MED16: variants seen among roughly 807,000 people sequenced by gnomAD.
MED16 encodes mediator of RNA polymerase II transcription subunit 16.
MED16 carries 81 observed loss-of-function variants against 84.4 expected under a neutral mutation model. That is an observed-to-expected ratio of 0.96 (90% confidence interval 0.80 to 1.15). MED16 has a LOEUF of 1.15. Ranked by LOEUF, MED16 falls within the 50% of genes most tolerant of loss-of-function variation. The pLI, the probability that MED16 is intolerant of heterozygous loss-of-function variation, is 0.00. For missense variants in MED16, 1,585 were observed against 1,245.9 expected (o/e 1.27, Z -4.10); for synonymous variants, 897 against 552.2 (o/e 1.62, Z -8.76).
Position 885,970 on chromosome 19 carries a change from C to T in MED16, c.679G>A (p.Val227Met). 1.2e-6 allele frequency: 2 copies of T among 1,611,730 alleles called. No homozygotes were observed. The highest frequency in any genetic ancestry group is 1.7e-6 in the Non-Finnish European group (2 of 1,179,488). ...DIAFTGGGNI[V>M]VATADGSSAS... Reference sequence around the variant, plus strand: ...CTGCTGCCGTCCGCCGTGGCCACCACGATGTTGCCGCCGCCGGTGAAGGCG... The same window carrying T: ...CTGCTGCCGTCCGCCGTGGCCACCATGATGTTGCCGCCGCCGGTGAAGGCG... The change falls in exon 5 of 16, where the codon GTG (valine) becomes ATG (methionine). Residue 227 changes from valine (V) to methionine (M), a missense_variant. Coordinates refer to ENST00000325464, the MANE Select transcript of MED16 (RefSeq NM_005481.3).
intron 4 of MED16, among the ~76,000 whole-genome samples, chr19:888,662 A>G (rs1169045538): frequency 1.3e-5 from 2 of 152,088 alleles, no homozygotes; most frequent in African/African-American, 4.8e-5. Flanking sequence ...TGTGAACTCC[A>G]TCCCGACAAA....
In MED16 at chr19:868,973, G is replaced by A; in HGVS notation, c.2316-27C>T. ...TGGCGGGAGAGGGGAGAACGTGAGGGAGGCCTGGGCACCACGAGGCCAGGT... is the reference window on the plus strand; with the variant it reads ...TGGCGGGAGAGGGGAGAACGTGAGGAAGGCCTGGGCACCACGAGGCCAGGT... On this transcript the variant is annotated intron_variant, in intron 13 of 15. Coordinates refer to ENST00000325464, the MANE Select transcript of MED16 (RefSeq NM_005481.3). 2.0e-6 allele frequency: 3 copies of A among 1,523,266 alleles called. No individual in the cohort carries two copies. The South Asian group carries it at 3.6e-5, about 18-fold the overall frequency. The allele number at this position is 1,523,266 out of a possible 1,614,324, so 94.4% of individuals were successfully genotyped here. A position where few individuals can be genotyped will look rare whatever the true frequency, so the allele number is the denominator to read the frequency against.
intron 8 of MED16, among the ~76,000 whole-genome samples, chr19:877,972 AGCCCCACG>A (rs1374512467): frequency 8.2e-5 from 2 of 24,274 alleles, no homozygotes; most frequent in Admixed American, 5.8e-4. Flanking sequence ...CCCCAGCCCC[AGCCCCACG>A]TGCCCCAGCA....
At chr19:880,973 C>G (rs1383890820) in intron 7 of MED16, among the ~76,000 whole-genome samples, 1 of 151,638 alleles carries the variant, frequency 6.6e-6, no homozygotes, top group African/African-American at 2.4e-5. Context: ...GGAGCATAAA[C>G]CAAGGGTTTT....
Position 869,734 on chromosome 19 carries a change from T to C in MED16, c.2316-788A>G, listed in dbSNP as rs543978340. Among the ~76,000 whole-genome samples, 486 of 152,306 alleles carry C rather than the reference T, an allele frequency of 3.2e-3. 2 individuals carry two copies. Among genetic ancestry groups the C allele is most frequent in the African/African-American group, 0.011 (476 of 41,554 alleles). ...CGGAGCAGGGCTGCTGGAGGTTCAC[T>C]TCATTTTCTTCCTTTTGCTCATCTG... On this transcript the variant is annotated intron_variant, in intron 13 of 15. Transcript: ENST00000325464.
At chr19:875,502 C>G (rs1297117205) in intron 9 of MED16, 48 bp from the exon 10 acceptor site, 9 of 1,455,696 alleles carry the variant, frequency 6.2e-6, no homozygotes, top group Non-Finnish European at 8.4e-6. Flanking sequence ...GCAGAGGCGC[C>G]CGCCAAGGCT....
intron 12 of MED16, 136 bp downstream of exon 12, chr19:871,790 C>T (rs113696681): frequency 1.9e-4 from 10 of 52,080 alleles, no homozygotes; most frequent in African/African-American, 4.9e-4. Context: ...GAGGGGAGAG[C>T]GGGGAGAAGG....
At chr19:868,339 G>GA in intron 15 of MED16, 77 bp downstream of exon 15, 1 of 1,593,066 alleles carries the variant, frequency 6.3e-7, no homozygotes, top group Non-Finnish European at 8.5e-7. Flanking sequence ...GGCAGCTGAG[G>GA]GGTAGCTGAG....
rs576908813 is a variant in MED16, at chr19:871,957, G to C, written c.2067C>G (p.Leu689=). 4 of 1,605,568 alleles carry C rather than the reference G, an allele frequency of 2.5e-6. No homozygotes were observed. The highest frequency in any genetic ancestry group is 1.7e-5 in the Admixed American group (1 of 59,402). The change falls in exon 12 of 16, where the codon CTC becomes CTG. Residue 689 remains leucine, a synonymous_variant. Coordinates refer to ENST00000325464, the MANE Select transcript of MED16 (RefSeq NM_005481.3). ...TCCAGAGCTTGGTGAGCAGGCGGAA[G>C]AGCAGGGACATGCTGTCCTGGGTAT... ...TSDTQDSMSL[L]FRLLTKLWIC...
rs776962671 is a variant in MED16 at position 885,755 on chromosome 19, C to T, written c.879+15G>A. On this transcript the variant is annotated intron_variant, in intron 5 of 15. Transcript: ENST00000325464. Reference sequence around the variant, plus strand: ...CCAAGCCTGCCAGCCCACGTGATGGCCTGCGCCCGTTCACCTGCTCCGACA... The same window carrying T: ...CCAAGCCTGCCAGCCCACGTGATGGTCTGCGCCCGTTCACCTGCTCCGACA... The T allele has an allele frequency of 1.1e-5, 18 of 1,600,836 alleles. No individual in the cohort carries two copies. In the Admixed American group the frequency reaches 2.5e-4, roughly 22 times the overall value.
Position 886,059 on chromosome 19 carries a change from C to G in MED16, c.590G>C (p.Gly197Ala). The G allele has an allele frequency of 6.3e-7, 1 of 1,591,948 alleles. No homozygotes were observed. The highest frequency in any genetic ancestry group is 8.5e-7 in the Non-Finnish European group (1 of 1,173,710). The change falls in exon 5 of 16, where the codon GGG becomes GCG. Residue 197 changes from glycine (G) to alanine (A), a missense_variant. Transcript: ENST00000325464. ...LVTVSLLKPS[G>A]QVLTSTESLC... ...GCTCTCGGTGGACGTCAGCACCTGC[C>G]CGCTGGGCTTCAGCAGGGACACGGT...
Position 881,697 on chromosome 19 carries a change from T to C in MED16, c.1003A>G (p.Thr335Ala). The C allele has an allele frequency of 1.2e-6, 2 of 1,610,470 alleles. No individual in the cohort carries two copies. Among genetic ancestry groups the C allele is most frequent in the Non-Finnish European group, 1.7e-6 (2 of 1,178,120 alleles). Reference sequence around the variant, plus strand: ...GATAGGATCCGCCATTTGAGAATTGTGGGCTGTTTGTCGCCAACTGAAAAA... The same window carrying C: ...GATAGGATCCGCCATTTGAGAATTGCGGGCTGTTTGTCGCCAACTGAAAAA... ...ISPVVGDKQP[T>A]ILKWRILSAT... The change falls in exon 7 of 16, where the codon ACA becomes GCA. Residue 335 changes from threonine to alanine, a missense_variant. By Grantham distance (58) the Thr-to-Ala change is moderately conservative (BLOSUM62 0). Transcript: ENST00000325464.
chr19:876,067 G>C (rs945221953), intron 9 of MED16, among the ~76,000 whole-genome samples: 1 of 152,218 alleles, frequency 6.6e-6, no homozygotes, highest in African/African-American at 2.4e-5. Flanking sequence ...TCCCAGCCAC[G>C]CTGGGGTTTA....
intron 13 of MED16, 105 bp downstream of exon 13, chr19:870,932 T>A (rs1460523923): frequency 9.5e-7 from 1 of 1,057,918 alleles, no homozygotes; most frequent in Non-Finnish European, 1.3e-6. Flanking sequence ...CGGGGGGACC[T>A]GGGGCAGGAC....
intron 9 of MED16, 112 bp from the exon 10 acceptor site, chr19:875,566 G>A: frequency 2.4e-6 from 2 of 839,886 alleles, no homozygotes; most frequent in Non-Finnish European, 3.6e-6. Flanking sequence ...GGTCAGCTGG[G>A]CAAGCTGCTT....
intron 11 of MED16, chr19:872,871 G>C (rs1052426936): frequency 2.5e-6 from 2 of 796,630 alleles, no homozygotes; most frequent in South Asian, 4.1e-5. Context: ...GCGGGGCTTT[G>C]AGAATGGGCA....
chr19:871,767 CGGGGA>C (rs2036066364), intron 12 of MED16, 154 bp downstream of exon 12: 3 of 165,998 alleles, frequency 1.8e-5, no homozygotes, highest in South Asian at 4.5e-5. Flanking sequence ...GAGAGGGGAG[CGGGGA>C]GAGGGGAGAG....
intron 2 of MED16, among the ~76,000 whole-genome samples, chr19:890,600 TACTC>T (rs1326942694): frequency 6.6e-6 from 1 of 152,196 alleles, no homozygotes; most frequent in African/African-American, 2.4e-5. Context: ...GAGTGCCTAT[TACTC>T]AAACAATGGA....
At chr19:889,605 T>C in intron 4 of MED16, 33 bp downstream of exon 4, 1 of 1,583,182 alleles carries the variant, frequency 6.3e-7, no homozygotes, top group Middle Eastern at 1.7e-4. Context: ...ACATCTCATC[T>C]GCCTCATCCG....
Sources: gnomAD v4.1 joint callset for allele counts (sites outside exome capture counted in the v4.1 genomes callset) on GRCh38, gnomAD v4.1.1 for gene constraint, MANE v1.5 for transcripts, NCBI Gene and HGNC (gene_info 2026-07-23, HGNC 2026-07-21) for gene names.